Variants in SP3 observed in about 807,000 individuals in gnomAD.
SP3 encodes the protein transcription factor Sp3.
A neutral mutation model predicts 70.3 loss-of-function variants in SP3; 10 were observed. That is an observed-to-expected ratio of 0.14 (90% confidence interval 0.09 to 0.24). The LOEUF (loss-of-function observed/expected upper bound fraction) is 0.24. SP3 is among the 10% of genes least tolerant of loss of function. The pLI is 1.00. For synonymous variants in SP3, 402 were observed against 333.5 expected, an observed-to-expected ratio of 1.21 and a Z score of -2.24; for missense variants, 825 against 914.6, an observed-to-expected ratio of 0.90 and a Z score of 1.26.
rs1415373045 is a variant in SP3, at chr2:173,955,532, G to A, written c.980C>T (p.Thr327Ile). 1 of 1,614,074 alleles carries A rather than the reference G, an allele frequency of 6.2e-7. No individual in the cohort carries two copies. The highest frequency in any genetic ancestry group is 2.2e-5 in the East Asian group (1 of 44,890). Residue 327 changes from threonine to isoleucine, a missense_variant, in exon 4 of 7, where the codon ACA becomes ATA. Transcript: ENST00000310015. ...SPDINETNTD[T>I]DLFVPTSSSS... ...AGAGGATGTTGGCACAAATAAATCT[G>A]TATCAGTATTAGTTTCATTAATATC...
At chr2:173,939,764 C>CAAAAAAAACA (rs1690309080) in intron 4 of SP3, among the ~76,000 whole-genome samples, 1 of 70,194 alleles carries the variant, frequency 1.4e-5, no homozygotes, top group Non-Finnish European at 2.5e-5. Context: ...GACTCCAACT[C>CAAAAAAAACA]AAAAAAAAAA....
intron 4 of SP3, among the ~76,000 whole-genome samples, chr2:173,928,828 T>G (rs1057451039): frequency 1.3e-5 from 2 of 152,224 alleles, no homozygotes; most frequent in African/African-American, 4.8e-5. Context: ...TTATACATTT[T>G]TCTTTTGCCC....
intron 4 of SP3, among the ~76,000 whole-genome samples, chr2:173,920,016 A>C (rs1689706390): frequency 6.6e-6 from 1 of 152,220 alleles, no homozygotes; most frequent in African/African-American, 2.4e-5. Context: ...ACATGTTAAA[A>C]CAATGAACAT....
chr2:173,938,345 T>C (rs1453902673), intron 4 of SP3, among the ~76,000 whole-genome samples: 3 of 150,532 alleles, frequency 2.0e-5, no homozygotes, highest in Non-Finnish European at 4.4e-5. Flanking sequence ...TAATCCCAGC[T>C]ACTCGGGAGA....
intron 6 of SP3, among the ~76,000 whole-genome samples, chr2:173,911,813 C>CTTTTTTT (rs11448837): frequency 7.1e-5 from 7 of 98,022 alleles, no homozygotes; most frequent in Admixed American, 1.2e-4. Flanking sequence ...TTTTATCTAC[C>CTTTTTTT]TTTTTTTTTT....
At chr2:173,953,007 C>T (rs964398823) in intron 4 of SP3, among the ~76,000 whole-genome samples, 1 of 152,098 alleles carries the variant, frequency 6.6e-6, no homozygotes, top group Non-Finnish European at 1.5e-5. Context: ...TAGTTACAAC[C>T]AGTGAATTGT....
Position 173,909,769 on chromosome 2 carries a change from A to G in SP3, c.*172T>C. 1 of 517,318 alleles carries G rather than the reference A, an allele frequency of 1.9e-6. No individual in the cohort carries two copies. Among genetic ancestry groups the G allele is most frequent in the South Asian group, 2.7e-5 (1 of 37,150 alleles). The allele number at this position is 517,318 out of a possible 1,614,324, so 32.0% of individuals were successfully genotyped here. A position where few individuals can be genotyped will look rare whatever the true frequency, so the allele number is the denominator to read the frequency against. On this transcript the variant is annotated 3_prime_UTR_variant, in exon 7 of 7. Coordinates refer to ENST00000310015, the MANE Select transcript of SP3 (RefSeq NM_003111.5). ...AACCCATGCAATTTTACCATTTTTA[A>G]TATACTATGGAATATCATACAAAGT...
chr2:173,964,836 G>A (rs1405682463), intron 1 of SP3: 2 of 471,070 alleles, frequency 4.2e-6, no homozygotes, highest in African/African-American at 2.1e-5. Flanking sequence ...TTCCCTTCGC[G>A]CCGCTCGCTC....
intron 4 of SP3, among the ~76,000 whole-genome samples, chr2:173,944,903 A>G (rs1482208139): frequency 2.6e-5 from 4 of 152,162 alleles, no homozygotes; most frequent in Admixed American, 2.6e-4. Flanking sequence ...GATCACTTGA[A>G]GCTAGGAGTT....
At chr2:173,964,134 T>C (rs1051850820) in intron 2 of SP3, 40 of 358,396 alleles carry the variant, frequency 1.1e-4, no homozygotes, top group African/African-American at 8.0e-4. Flanking sequence ...GCGCCGGGCC[T>C]CCGCCTTCCG....
chr2:173,964,790 C>T, intron 1 of SP3: 1 of 455,638 alleles, frequency 2.2e-6, no homozygotes, highest in Non-Finnish European at 3.8e-6. Context: ...CCTCCTCCTC[C>T]CCGCGCTGCC....
At chr2:173,961,518 G>A (rs767511493) in intron 3 of SP3, among the ~76,000 whole-genome samples, 7 of 152,182 alleles carry the variant, frequency 4.6e-5, no homozygotes, top group African/African-American at 7.2e-5. Flanking sequence ...CGCAAACAAA[G>A]TCTGGTTAGT....
chr2:173,955,329 C>A lies in SP3; in HGVS notation c.1183G>T (p.Val395Leu). Residue 395 changes from valine to leucine, a missense_variant, in exon 4 of 7, where the codon GTA becomes TTA. By Grantham distance (32) the Val-to-Leu change is conservative. Coordinates refer to ENST00000310015, the MANE Select transcript of SP3 (RefSeq NM_003111.5). Reference protein sequence around the residue: ...NIQVSTAQPVVQHLQLQESQQ... With the variant: ...NIQVSTAQPVLQHLQLQESQQ... ...GACTCTTGAAGTTGTAGATGCTGTA[C>A]AACAGGCTGTGCTGTAGAAACCTGA... The A allele has an allele frequency of 6.2e-7, 1 of 1,614,026 alleles. No individual in the cohort carries two copies.
intron 4 of SP3, among the ~76,000 whole-genome samples, chr2:173,937,579 T>G (rs1162380004): frequency 1.3e-5 from 2 of 152,126 alleles, no homozygotes; most frequent in Non-Finnish European, 2.9e-5. Context: ...GAAAAAAAAT[T>G]TTTAAATAAT....
intron 6 of SP3, among the ~76,000 whole-genome samples, chr2:173,912,094 C>T (rs115343709): frequency 1.2e-3 from 187 of 152,346 alleles, no homozygotes; most frequent in African/African-American, 4.4e-3. Context: ...GCCGGGATTA[C>T]AGGCATGGGC....
At chr2:173,944,368 T>C (rs1027553886) in intron 4 of SP3, among the ~76,000 whole-genome samples, 7 of 152,038 alleles carry the variant, frequency 4.6e-5, no homozygotes, top group East Asian at 1.9e-4. Context: ...ACCCCATCTC[T>C]AGAAAAAATA....
intron 3 of SP3, among the ~76,000 whole-genome samples, chr2:173,960,911 G>C (rs1691050799): frequency 6.6e-6 from 1 of 152,148 alleles, no homozygotes; most frequent in South Asian, 2.1e-4. Context: ...AGGAAGCAGA[G>C]CCTGCAGTGA....
At position 173,955,408 on chromosome 2, in the gene SP3, A is replaced by C; in HGVS notation, c.1104T>G (p.Leu368=). The C allele has an allele frequency of 2.5e-6, 4 of 1,614,074 alleles. No individual in the cohort carries two copies. Among genetic ancestry groups the C allele is most frequent in the Non-Finnish European group, 3.4e-6 (4 of 1,180,010 alleles). Residue 368 remains leucine, a synonymous_variant, in exon 4 of 7, where the codon CTT becomes CTG. Coordinates refer to ENST00000310015, the MANE Select transcript of SP3 (RefSeq NM_003111.5). Reference sequence around the variant, plus strand: ...CAGGCGACTGGATATAATTTCCCTGAAGATCTGAAGAATGAACCTGCCCAC... The same window carrying C: ...CAGGCGACTGGATATAATTTCCCTGCAGATCTGAAGAATGAACCTGCCCAC... ...TSSGQVHSSD[L]QGNYIQSPVS...
intron 3 of SP3, among the ~76,000 whole-genome samples, chr2:173,956,555 G>T (rs1337359992): frequency 6.6e-6 from 1 of 152,130 alleles, no homozygotes; most frequent in Non-Finnish European, 1.5e-5. Context: ...AGTGGAGATG[G>T]CTATGACCAA....
Sources: gnomAD v4.1 joint callset for allele counts (sites outside exome capture counted in the v4.1 genomes callset) on GRCh38, gnomAD v4.1.1 for gene constraint, MANE v1.5 for transcripts, NCBI Gene and HGNC (gene_info 2026-07-23, HGNC 2026-07-21) for gene names.